UBN1: variants seen among roughly 807,000 people sequenced by gnomAD.
The protein encoded by UBN1 is ubinuclein 1.
A neutral mutation model predicts 108.5 loss-of-function variants in UBN1; 17 were observed. The ratio of observed to expected loss-of-function variants is 0.16; its 90% CI spans 0.11 to 0.24. The LOEUF is 0.24. Ranked by LOEUF, UBN1 falls within the 10% of genes least tolerant of loss-of-function variation. The pLI is 1.00. For missense variants in UBN1, 1,595 were observed against 1,394.4 expected (o/e 1.14, Z -2.29); for synonymous variants, 726 against 564.2 (o/e 1.29, Z -4.07).
In UBN1 at chr16:4,880,415, TGGTG is replaced by T; in HGVS notation, c.*286_*289del. 2.5e-6 allele frequency: 1 copy of T among 401,932 alleles called. No individual in the cohort carries two copies. The highest frequency in any genetic ancestry group is 3.5e-5 in the Admixed American group (1 of 28,294). The allele number at this position is 401,932 out of a possible 1,614,324, so 24.9% of individuals were successfully genotyped here. A position where few individuals can be genotyped will look rare whatever the true frequency, so the allele number is the denominator to read the frequency against. ...CTAGGCTGGGGCTTGCGCTGGGCCG[TGGTG>T]GGAGGCACAGTGTTTACAGGCTCTG... On this transcript the variant is annotated 3_prime_UTR_variant, in exon 18 of 18. Transcript: ENST00000262376.
chr16:4,864,417 G>C (rs1473343712), intron 7 of UBN1, among the ~76,000 whole-genome samples: 1 of 152,210 alleles, frequency 6.6e-6, no homozygotes, highest in Non-Finnish European at 1.5e-5. Context: ...GTATGTTAAA[G>C]AGGTCCTCTG....
At chr16:4,855,856 T>C (rs922155424) in intron 2 of UBN1, among the ~76,000 whole-genome samples, 4 of 152,100 alleles carry the variant, frequency 2.6e-5, no homozygotes, top group African/African-American at 9.7e-5. Context: ...GAGGCAGAGA[T>C]TGCAGTGAGC....
At position 4,874,631 on chromosome 16, in the gene UBN1, G is replaced by C. The variant is rs1250451076; in HGVS notation, c.2221G>C (p.Glu741Gln). The C allele has an allele frequency of 1.9e-6, 3 of 1,614,222 alleles. No homozygotes were observed. The South Asian group carries it at 3.3e-5, about 18-fold the overall frequency. Residue 741 changes from glutamate to glutamine, a missense_variant, in exon 15 of 18, where the codon GAA becomes CAA. Glu to Gln is a conservative substitution (Grantham distance 29). This residue lies in a region of UBN1 where 1,398 missense variants were observed against 1,194.7 expected (regional missense o/e 1.17). Coordinates refer to ENST00000262376, the MANE Select transcript of UBN1 (RefSeq NM_001079514.3). ...SLQSPLNFLA[E>Q]QALALGQSSQ... ...GCAGTCACCCCTCAATTTTCTGGCA[G>C]AACAGGCTCTGGCACTGGGGCAGTC... is the stretch of plus-strand genomic sequence containing the variant.
At chr16:4,863,546 C>G (rs1447929651) in intron 7 of UBN1, among the ~76,000 whole-genome samples, 1 of 152,034 alleles carries the variant, frequency 6.6e-6, no homozygotes, top group Admixed American at 6.6e-5. Flanking sequence ...TTAAAGTAAA[C>G]CTGATGTATG....
At chr16:4,853,682 C>T (rs1028277843) in intron 2 of UBN1, among the ~76,000 whole-genome samples, 17 of 151,984 alleles carry the variant, frequency 1.1e-4, no homozygotes, top group African/African-American at 3.1e-4. Context: ...CTCAACCTCC[C>T]GAGTACCTGG....
At position 4,858,569 on chromosome 16, in the gene UBN1, G is replaced by C; in HGVS notation, c.338G>C (p.Gly113Ala). The C allele has an allele frequency of 6.2e-7, 1 of 1,613,974 alleles. No individual in the cohort carries two copies. Among genetic ancestry groups the C allele is most frequent in the African/African-American group, 1.3e-5 (1 of 75,032 alleles). Residue 113 changes from glycine (G) to alanine (A), a missense_variant and splice_region_variant, in exon 4 of 18, where the codon GGT (glycine) becomes GCT (alanine). This residue lies in a region of UBN1 where 181 missense variants were observed against 157.3 expected (regional missense o/e 1.15). Transcript: ENST00000262376. ...ALARKFEEKY[G>A]GKKRRKDRIQ... The stretch of plus-strand genomic sequence containing the variant: ...TAATCTATTGCTTTCACATTTTAGG[G>C]TGGAAAGAAACGTAGAAAAGACCGA...
In UBN1 at chr16:4,875,278, A is replaced by G. The variant is rs767217922; in HGVS notation, c.2868A>G (p.Lys956=). The change falls in exon 15 of 18, where the codon AAA becomes AAG. Residue 956 remains lysine, a synonymous_variant. Coordinates refer to ENST00000262376, the MANE Select transcript of UBN1 (RefSeq NM_001079514.3). ...TSRPVPSSAG[K]KMPVSQKLTL... ...GACCCGTCCCAAGTTCAGCAGGGAA[A>G]AAAATGCCTGTTTCCCAGAAGTTGA... The G allele has an allele frequency of 1.2e-6, 2 of 1,614,248 alleles. No homozygotes were observed. The highest frequency in any genetic ancestry group is 1.7e-6 in the Non-Finnish European group (2 of 1,180,050).
intron 3 of UBN1, 42 bp from the exon 4 acceptor site, chr16:4,858,526 G>A: frequency 1.3e-6 from 2 of 1,576,364 alleles, no homozygotes; most frequent in Non-Finnish European, 1.7e-6. Context: ...AATTCTGTGT[G>A]TTTATTCAAA....
At chr16:4,872,992 A>G (rs1368099191) in intron 13 of UBN1, 39 bp from the exon 14 acceptor site, 1 of 1,614,024 alleles carries the variant, frequency 6.2e-7, no homozygotes, top group Non-Finnish European at 8.5e-7. Context: ...TCTCCTCTGG[A>G]TATTCTCTAA....
intron 1 of UBN1, among the ~76,000 whole-genome samples, chr16:4,848,701 G>A (rs1359653736): frequency 6.6e-6 from 1 of 152,214 alleles, no homozygotes; most frequent in Non-Finnish European, 1.5e-5. Flanking sequence ...TCTTTAAAGC[G>A]TATTTAAGAT....
chr16:4,874,150 A>G (rs1030808907), intron 14 of UBN1, 61 bp from the exon 15 acceptor site: 1 of 1,500,026 alleles, frequency 6.7e-7, no homozygotes, highest in Non-Finnish European at 8.8e-7. Flanking sequence ...GTATCCTCAC[A>G]ACAGGCCAAT....
chr16:4,878,263 C>T (rs1391571435), intron 17 of UBN1, among the ~76,000 whole-genome samples: 2 of 152,168 alleles, frequency 1.3e-5, no homozygotes, highest in Admixed American at 1.3e-4. Context: ...GGTGTCTCAG[C>T]TTTGACCTAG....
Position 4,877,764 on chromosome 16 carries a change from T to A in UBN1, c.3355+290T>A. The stretch of plus-strand genomic sequence containing the variant: ...GCGCTTTTGTGTGCGGTGGAGGAGT[T>A]CCTAACCCTCGGCTTGTTTTTTTCT... On this transcript the variant is annotated intron_variant, in intron 17 of 17. Transcript: ENST00000262376. The surrounding 1 kb of genome is among the most constrained non-coding windows in gnomAD (Gnocchi z 4.3). 1 of 1,145,146 alleles carries A rather than the reference T, an allele frequency of 8.7e-7. No individual in the cohort carries two copies. The highest frequency in any genetic ancestry group is 1.1e-6 in the Non-Finnish European group (1 of 934,698). 70.9% of individuals were successfully genotyped at this position (1,145,146 alleles called of 1,614,324 possible). A position where few individuals can be genotyped will look rare whatever the true frequency, so the allele number is the denominator to read the frequency against.
intron 1 of UBN1, 169 bp from the exon 2 acceptor site, chr16:4,852,710 T>C (rs2086616397): frequency 3.2e-6 from 2 of 631,800 alleles, no homozygotes; most frequent in South Asian, 2.1e-5. Flanking sequence ...CTCTGAATGA[T>C]TGTGAAAAAA....
At chr16:4,853,554 T>A (rs978997789) in intron 2 of UBN1, among the ~76,000 whole-genome samples, 1 of 151,818 alleles carries the variant, frequency 6.6e-6, no homozygotes, top group Non-Finnish European at 1.5e-5. Context: ...CCTTTTTTTT[T>A]TTCTTTCTTT....
chr16:4,878,352 C>T (rs1466834375), intron 17 of UBN1, among the ~76,000 whole-genome samples: 1 of 152,168 alleles, frequency 6.6e-6, no homozygotes, highest in Non-Finnish European at 1.5e-5. Flanking sequence ...GTATGGAAGC[C>T]AGCCGAGGTA....
intron 12 of UBN1, 55 bp from the exon 13 acceptor site, chr16:4,872,829 C>T: frequency 6.2e-7 from 1 of 1,603,594 alleles, no homozygotes; most frequent in East Asian, 2.2e-5. Flanking sequence ...GTTCTGGAAG[C>T]AGAGTCCCAG....
intron 8 of UBN1, 100 bp downstream of exon 8, chr16:4,869,003 A>G (rs992942176): frequency 3.3e-5 from 37 of 1,129,224 alleles, no homozygotes; most frequent in Non-Finnish European, 4.7e-5. Flanking sequence ...TGAACTGCAT[A>G]AAGGTGACCA....
Position 4,858,585 on chromosome 16 carries a change from A to G in UBN1, c.354A>G (p.Arg118=), listed in dbSNP as rs1453798228. 5 of 1,614,212 alleles carry G rather than the reference A, an allele frequency of 3.1e-6. No individual in the cohort carries two copies. The highest frequency in any genetic ancestry group is 4.2e-6 in the Non-Finnish European group (5 of 1,180,008). The change falls in exon 4 of 18, where the codon AGA becomes AGG. Residue 118 remains arginine, a synonymous_variant. Coordinates refer to ENST00000262376, the MANE Select transcript of UBN1 (RefSeq NM_001079514.3). The part of the protein sequence containing the change: ...FEEKYGGKKR[R]KDRIQDLIDM... Reference sequence around the variant, plus strand: ...CATTTTAGGGTGGAAAGAAACGTAGAAAAGACCGAATACAGGACTTGATCG... The same window carrying G: ...CATTTTAGGGTGGAAAGAAACGTAGGAAAGACCGAATACAGGACTTGATCG...
Sources: gnomAD v4.1 joint callset for allele counts (sites outside exome capture counted in the v4.1 genomes callset) on GRCh38, gnomAD v4.1.1 for gene constraint, gnomAD v4.1.1 regional missense constraint, Gnocchi (gnomAD v3.1) non-coding constraint, MANE v1.5 for transcripts, NCBI Gene and HGNC (gene_info 2026-07-23, HGNC 2026-07-21) for gene names.